GALNTL6: variants seen among roughly 807,000 people sequenced by gnomAD.
The protein encoded by GALNTL6 is polypeptide N-acetylgalactosaminyltransferase like 6.
GALNTL6 carries 46 observed loss-of-function variants against 73.7 expected under a neutral mutation model. The ratio of observed to expected loss-of-function variants is 0.62; its 90% CI spans 0.49 to 0.80. The LOEUF (loss-of-function observed/expected upper bound fraction) is 0.80, where lower values mean the gene tolerates loss of function less well. GALNTL6 is among the 30% of genes least tolerant of loss of function. GALNTL6 has a pLI of 0.00. For missense variants in GALNTL6, 604 were observed against 755.0 expected (o/e 0.80, Z 2.34); for synonymous variants, 259 against 263.7 (o/e 0.98, Z 0.17).
chr4:172,147,871 A>G (rs1002311985), intron 2 of GALNTL6, among the ~76,000 whole-genome samples: 5 of 152,100 alleles, frequency 3.3e-5, no homozygotes, highest in Admixed American at 6.5e-5. Flanking sequence ...ATCAGCAGCA[A>G]TTTTACTCCA....
chr4:172,298,921 G>T (rs1739793410), intron 3 of GALNTL6, among the ~76,000 whole-genome samples: 2 of 152,162 alleles, frequency 1.3e-5, no homozygotes, highest in Admixed American at 1.3e-4. Context: ...TCTATTGATT[G>T]AAATAGTTTC....
intron 7 of GALNTL6, among the ~76,000 whole-genome samples, chr4:172,824,462 T>C (rs1437747679): frequency 6.6e-6 from 1 of 151,846 alleles, no homozygotes; most frequent in Non-Finnish European, 1.5e-5. Flanking sequence ...GATCAGGTTA[T>C]TTATATATAT....
At chr4:172,782,747 C>A (rs1739438256) in intron 5 of GALNTL6, among the ~76,000 whole-genome samples, 1 of 152,028 alleles carries the variant, frequency 6.6e-6, no homozygotes, top group African/African-American at 2.4e-5. Flanking sequence ...CTAGTGCATT[C>A]ATTAAATTGT....
chr4:172,362,351 T>C (rs1442179017), intron 5 of GALNTL6, among the ~76,000 whole-genome samples: 3 of 150,358 alleles, frequency 2.0e-5, no homozygotes, highest in Non-Finnish European at 3.0e-5. Flanking sequence ...TTTATAAGTG[T>C]ATTTGTTCAC....
intron 2 of GALNTL6, among the ~76,000 whole-genome samples, chr4:171,939,421 C>A (rs1332316385): frequency 1.3e-5 from 2 of 151,798 alleles, no homozygotes; most frequent in African/African-American, 4.8e-5. Flanking sequence ...TATATACTAG[C>A]AAAATGTGTG....
At chr4:172,853,621 C>T (rs1324134940) in intron 7 of GALNTL6, among the ~76,000 whole-genome samples, 2 of 152,172 alleles carry the variant, frequency 1.3e-5, no homozygotes, top group Non-Finnish European at 2.9e-5. Context: ...CCCCAACAAC[C>T]CATTCACTCA....
chr4:172,163,229 C>T (rs1356847115), intron 2 of GALNTL6, among the ~76,000 whole-genome samples: 2 of 152,018 alleles, frequency 1.3e-5, no homozygotes, highest in African/African-American at 4.8e-5. Context: ...ACTTTTTAGA[C>T]ATTACTCTGT....
intron 3 of GALNTL6, among the ~76,000 whole-genome samples, chr4:172,252,138 A>G (rs941451075): frequency 5.9e-5 from 9 of 152,184 alleles, no homozygotes; most frequent in African/African-American, 1.7e-4. Flanking sequence ...TTAAGCAAAT[A>G]TAAAAAGAAA....
At chr4:171,830,358 T>G (rs1734934902) in intron 2 of GALNTL6, among the ~76,000 whole-genome samples, 1 of 152,196 alleles carries the variant, frequency 6.6e-6, no homozygotes, top group African/African-American at 2.4e-5. Flanking sequence ...TCAGGAATTG[T>G]CTATCTTTTT....
chr4:172,735,789 A>G (rs1736423928), intron 5 of GALNTL6, among the ~76,000 whole-genome samples: 2 of 152,288 alleles, frequency 1.3e-5, no homozygotes, highest in African/African-American at 4.8e-5. Flanking sequence ...ATATTTCAAC[A>G]TAGGTACTTT....
At chr4:171,852,453 T>C (rs1735547736) in intron 2 of GALNTL6, among the ~76,000 whole-genome samples, 1 of 151,974 alleles carries the variant, frequency 6.6e-6, no homozygotes, top group Non-Finnish European at 1.5e-5. Flanking sequence ...ATGGGATGCA[T>C]AAAAAGATAT....
chr4:172,048,441 T>C (rs918381023), intron 2 of GALNTL6, among the ~76,000 whole-genome samples: 2 of 152,116 alleles, frequency 1.3e-5, no homozygotes, highest in Admixed American at 6.6e-5. Context: ...GCTATTTGAA[T>C]AAAATATCTG....
intron 5 of GALNTL6, among the ~76,000 whole-genome samples, chr4:172,472,031 C>T (rs971950478): frequency 1.3e-5 from 2 of 152,184 alleles, no homozygotes; most frequent in African/African-American, 4.8e-5. Context: ...CCTCTAACTA[C>T]CTGCTTATTT....
intron 5 of GALNTL6, among the ~76,000 whole-genome samples, chr4:172,353,623 G>T (rs1742041942): frequency 6.6e-6 from 1 of 151,498 alleles, no homozygotes; most frequent in Non-Finnish European, 1.5e-5. Context: ...TTCCCTTTTT[G>T]TTAAACAAAT....
chr4:172,602,159 A>C (rs926535402), intron 5 of GALNTL6, among the ~76,000 whole-genome samples: 1 of 152,126 alleles, frequency 6.6e-6, no homozygotes, highest in African/African-American at 2.4e-5. Context: ...TTTTCAGACA[A>C]AAGAAACAAA....
intron 5 of GALNTL6, among the ~76,000 whole-genome samples, chr4:172,663,824 G>A (rs1411203296): frequency 1.3e-5 from 2 of 151,888 alleles, no homozygotes; most frequent in African/African-American, 4.8e-5. Flanking sequence ...CAGCTACTCG[G>A]GAGGCTGAGG....
chr4:172,703,916 A>G (rs1734176919), intron 5 of GALNTL6, among the ~76,000 whole-genome samples: 1 of 151,878 alleles, frequency 6.6e-6, no homozygotes, highest in Admixed American at 6.6e-5. Flanking sequence ...TCATGGTTCA[A>G]TCTTGGTATG....
intron 4 of GALNTL6, among the ~76,000 whole-genome samples, chr4:172,321,775 A>G (rs948972053): frequency 6.6e-6 from 1 of 152,188 alleles, no homozygotes; most frequent in African/African-American, 2.4e-5. Context: ...AAAGCAGGGC[A>G]GGAGAGGGTC....
chr4:172,550,739 G>A (rs1039361891), intron 5 of GALNTL6, among the ~76,000 whole-genome samples: 2 of 152,006 alleles, frequency 1.3e-5, no homozygotes, highest in Admixed American at 1.3e-4. Flanking sequence ...GCAGCACTAC[G>A]GGTGTGCATC....
Sources: allele counts gnomAD v4.1 joint callset (sites outside exome capture counted in the v4.1 genomes callset), GRCh38; gene constraint gnomAD v4.1.1; transcripts MANE v1.5; gene names NCBI Gene and HGNC (gene_info 2026-07-23, HGNC 2026-07-21).